Variants in PALS2 observed in about 807,000 individuals in gnomAD.
The protein encoded by PALS2 is protein PALS2.
In PALS2, 27 loss-of-function variants were observed where a neutral mutation model predicts 61.6. The ratio of observed to expected loss-of-function variants is 0.44; its 90% CI spans 0.32 to 0.60. PALS2 has a LOEUF of 0.60. Among genes scored for constraint, PALS2 ranks in the 20% least tolerant of loss-of-function variants. The pLI, the probability that PALS2 is intolerant of heterozygous loss-of-function variation, is 0.05. For missense variants in PALS2, 554 were observed against 639.4 expected, an observed-to-expected ratio of 0.87 and a Z score of 1.44; for synonymous variants, 236 against 218.6, an observed-to-expected ratio of 1.08 and a Z score of -0.70.
At chr7:24,653,934 G>A (rs761257887) in intron 5 of PALS2, among the ~76,000 whole-genome samples, 9 of 152,168 alleles carry the variant, frequency 5.9e-5, no homozygotes, top group Non-Finnish European at 1.3e-4. Context: ...GGATGGAAAA[G>A]TACCACTTAC....
chr7:24,575,606 C>G (rs1488560998), intron 1 of PALS2, among the ~76,000 whole-genome samples: 1 of 152,112 alleles, frequency 6.6e-6, no homozygotes, highest in Admixed American at 6.6e-5. Flanking sequence ...TTTACTATCC[C>G]TTTACATGCT....
At chr7:24,658,619 C>T (rs974406604) in intron 5 of PALS2, among the ~76,000 whole-genome samples, 28 of 150,764 alleles carry the variant, frequency 1.9e-4, no homozygotes, top group African/African-American at 5.9e-4. Context: ...TGCAGTGGCA[C>T]GATCTCGGCT....
intron 8 of PALS2, 144 bp downstream of exon 8, chr7:24,666,233 G>A (rs118069853): frequency 0.048 from 29,297 of 607,822 alleles, 876 homozygotes; most frequent in Non-Finnish European, 0.06. Context: ...AACACATGGT[G>A]CAATATAATA....
intron 3 of PALS2, among the ~76,000 whole-genome samples, chr7:24,645,986 A>T (rs755136850): frequency 6.6e-6 from 1 of 152,070 alleles, no homozygotes; most frequent in Non-Finnish European, 1.5e-5. Context: ...CAAAATTTGT[A>T]TCATTCGGAA....
At chr7:24,608,581 A>C (rs1406289175) in intron 1 of PALS2, among the ~76,000 whole-genome samples, 2 of 152,064 alleles carry the variant, frequency 1.3e-5, no homozygotes, top group Admixed American at 1.3e-4. Context: ...TTATTCTGTC[A>C]TTTAGTCTGC....
intron 2 of PALS2, among the ~76,000 whole-genome samples, chr7:24,635,173 T>C (rs1025281410): frequency 6.6e-6 from 1 of 152,234 alleles, no homozygotes; most frequent in Non-Finnish European, 1.5e-5. Flanking sequence ...ATTGCCATCT[T>C]AACAGTGATG....
intron 5 of PALS2, among the ~76,000 whole-genome samples, chr7:24,652,268 A>T (rs115303721): frequency 6.6e-6 from 1 of 152,212 alleles, no homozygotes; most frequent in African/African-American, 2.4e-5. Context: ...CACCATGGCT[A>T]TAAGAGACTT....
intron 5 of PALS2, among the ~76,000 whole-genome samples, chr7:24,656,892 C>T (rs1317573452): frequency 6.6e-6 from 1 of 152,164 alleles, no homozygotes; most frequent in Admixed American, 6.5e-5. Context: ...CTCTACCACC[C>T]CTGACTCCAG....
chr7:24,584,996 G>T (rs574369419), intron 1 of PALS2, among the ~76,000 whole-genome samples: 1,590 of 151,648 alleles, frequency 0.01, 39 homozygotes, highest in African/African-American at 0.036. Flanking sequence ...TATTTCTGAG[G>T]GCTCTGTTCT....
chr7:24,626,372 A>G (rs539041174), intron 2 of PALS2, among the ~76,000 whole-genome samples: 2 of 152,328 alleles, frequency 1.3e-5, no homozygotes, highest in South Asian at 2.1e-4. Flanking sequence ...TGTAGTTTGT[A>G]TTCCAGAAAG....
intron 5 of PALS2, among the ~76,000 whole-genome samples, chr7:24,653,548 C>T (rs180866410): frequency 6.6e-6 from 1 of 152,140 alleles, no homozygotes; most frequent in African/African-American, 2.4e-5. Context: ...CGAAATTCCA[C>T]TTTCGTTTTC....
chr7:24,650,855 TG>T (rs1786109412), intron 5 of PALS2, 143 bp downstream of exon 5: 2 of 618,620 alleles, frequency 3.2e-6, no homozygotes, highest in Non-Finnish European at 5.4e-6. Context: ...TATTTTGTCA[TG>T]GGTGAATTTT....
chr7:24,639,456 G>A (rs1186046237), intron 2 of PALS2, among the ~76,000 whole-genome samples: 8 of 149,942 alleles, frequency 5.3e-5, no homozygotes, highest in African/African-American at 1.7e-4. Context: ...AGTATCCAAC[G>A]CAGAAAAAAA....
rs1049799333 is a variant in PALS2 at position 24,692,085 on chromosome 7, A to G, written c.*4471A>G. 7 of 152,172 alleles carry G rather than the reference A, an allele frequency of 4.6e-5. No individual in the cohort carries two copies. Among genetic ancestry groups the G allele is most frequent in the African/African-American group, 1.7e-4 (7 of 41,446 alleles). The allele number at this position is 152,172 out of a possible 1,614,324, so 9.4% of individuals were successfully genotyped here. ...TTTTGCAATTTATATTCTTTTTAAA[A>G]TATTTCCCATAATTCATCATGCTAG... On this transcript the variant is annotated 3_prime_UTR_variant, in exon 12 of 12. Coordinates refer to ENST00000222644, the MANE Select transcript of PALS2 (RefSeq NM_001303037.2).
intron 5 of PALS2, among the ~76,000 whole-genome samples, chr7:24,661,364 T>C (rs565881298): frequency 1.3e-5 from 2 of 152,188 alleles, no homozygotes; most frequent in Admixed American, 6.5e-5. Flanking sequence ...TATAAATCTT[T>C]TACCTTTGAG....
chr7:24,600,585 A>C (rs1320439474), intron 1 of PALS2, among the ~76,000 whole-genome samples: 1 of 152,222 alleles, frequency 6.6e-6, no homozygotes, highest in Non-Finnish European at 1.5e-5. Flanking sequence ...TTATGGTGAC[A>C]CTAGATAAAC....
At chr7:24,585,279 T>G (rs1356883625) in intron 1 of PALS2, among the ~76,000 whole-genome samples, 5 of 151,766 alleles carry the variant, frequency 3.3e-5, no homozygotes, top group Non-Finnish European at 7.4e-5. Flanking sequence ...ACGATATTGA[T>G]TCTTCCTACC....
intron 4 of PALS2, 43 bp from the exon 5 acceptor site, chr7:24,650,442 C>A: frequency 7.0e-7 from 1 of 1,430,634 alleles, no homozygotes; most frequent in Middle Eastern, 1.8e-4. Flanking sequence ...TTAAGCATTT[C>A]TCCCTAATAA....
chr7:24,619,271 G>T (rs1784404309), intron 1 of PALS2, among the ~76,000 whole-genome samples: 1 of 151,944 alleles, frequency 6.6e-6, no homozygotes, highest in African/African-American at 2.4e-5. Context: ...TAGTAATTCT[G>T]TTTCTCTGGA....
Sources: gnomAD v4.1 joint callset for allele counts (sites outside exome capture counted in the v4.1 genomes callset) on GRCh38, gnomAD v4.1.1 for gene constraint, MANE v1.5 for transcripts, NCBI Gene and HGNC (gene_info 2026-07-23, HGNC 2026-07-21) for gene names.